Variants in CCSER1 observed in about 807,000 individuals in gnomAD.
CCSER1 encodes the protein coiled-coil serine rich protein 1.
CCSER1 carries 41 observed loss-of-function variants against 82.0 expected under a neutral mutation model. That is an observed-to-expected ratio of 0.50 (90% CI 0.39 to 0.65). The LOEUF (loss-of-function observed/expected upper bound fraction) is 0.65. Ranked by LOEUF, CCSER1 falls within the 30% of genes least tolerant of loss-of-function variation. The pLI, the probability that CCSER1 is intolerant of heterozygous loss-of-function variation, is 0.00. For synonymous variants in CCSER1, 414 were observed against 383.9 expected (o/e 1.08, Z -0.92); for missense variants, 1,119 against 1,064.2 (o/e 1.05, Z -0.72).
chr4:90,141,060 C>CTATCTATCTATCTATCT lies in CCSER1; in HGVS notation c.-42+13232_-42+13233insCTATCTATCTATCTTAT, dbSNP rs1724704141. On this transcript the variant is annotated intron_variant, in intron 1 of 10. Transcript: ENST00000509176. ...TCTATCTATCTATCTATCTATCTAT[C>CTATCTATCTATCTATCT]TATTGTCTGTCTACCTATTGAAAGA... Among the ~76,000 whole-genome samples the CTATCTATCTATCTATCT allele has an allele frequency of 4.0e-5, 6 of 151,828 alleles. No homozygotes were observed. The South Asian group carries it at 1.3e-3, about 32-fold the overall frequency.
In CCSER1 at chr4:90,932,972, A is replaced by AGAGAG. The variant is rs1347297251; in HGVS notation, c.2172+9525_2172+9526insGAGAG. Among the ~76,000 whole-genome samples, 5 of 40,104 alleles carry AGAGAG rather than the reference A, an allele frequency of 1.2e-4. 1 individual carries two copies. Among genetic ancestry groups the AGAGAG allele is most frequent in the East Asian group, 1.0e-3 (2 of 1,918 alleles). The allele number at this position is 40,104 out of a possible 152,430, so 26.3% of individuals were successfully genotyped here. Reference sequence around the variant, plus strand: ...AAAGAAAGAAAGAAAGAAAGAAAGAAAGAAAGAAAGAGAAAGAAAGAAAGA... The same window carrying AGAGAG: ...AAAGAAAGAAAGAAAGAAAGAAAGAAGAGAGAGAAAGAAAGAGAAAGAAAGAAAGA... On this transcript the variant is annotated intron_variant, in intron 9 of 10. Coordinates refer to ENST00000509176, the MANE Select transcript of CCSER1 (RefSeq NM_001145065.2).
intron 5 of CCSER1, among the ~76,000 whole-genome samples, chr4:90,566,912 C>A (rs1779465578): frequency 6.6e-6 from 1 of 151,450 alleles, no homozygotes; most frequent in African/African-American, 2.4e-5. Flanking sequence ...ACCTTTTATT[C>A]TTTGTATTTT....
At chr4:90,673,162 A>G (rs2149160890) in intron 6 of CCSER1, among the ~76,000 whole-genome samples, 1 of 152,090 alleles carries the variant, frequency 6.6e-6, no homozygotes, top group Middle Eastern at 3.4e-3. Flanking sequence ...AGCACAATAA[A>G]GTGATGCAAA....
intron 6 of CCSER1, among the ~76,000 whole-genome samples, chr4:90,705,832 A>G (rs1028211480): frequency 2.6e-5 from 4 of 152,150 alleles, no homozygotes; most frequent in Non-Finnish European, 5.9e-5. Flanking sequence ...AAATCACAGT[A>G]TTAGGGTGGG....
At chr4:91,510,833 A>G (rs1252366960) in intron 10 of CCSER1, among the ~76,000 whole-genome samples, 1 of 152,086 alleles carries the variant, frequency 6.6e-6, no homozygotes, top group Non-Finnish European at 1.5e-5. Flanking sequence ...CCCACAGGTC[A>G]ATTTTTGTTT....
At chr4:91,301,250 A>T (rs1191496953) in intron 10 of CCSER1, among the ~76,000 whole-genome samples, 2 of 151,846 alleles carry the variant, frequency 1.3e-5, no homozygotes, top group African/African-American at 4.8e-5. Context: ...TTATATAAAC[A>T]GTATGTGTAT....
intron 10 of CCSER1, among the ~76,000 whole-genome samples, chr4:91,481,506 C>T (rs112950871): frequency 3.9e-4 from 60 of 152,268 alleles, no homozygotes; most frequent in African/African-American, 1.3e-3. Flanking sequence ...AAGGCCCTAT[C>T]TCCAAATACT....
intron 9 of CCSER1, among the ~76,000 whole-genome samples, chr4:91,026,623 AAAT>A (rs1740512149): frequency 2.0e-5 from 3 of 152,118 alleles, no homozygotes; most frequent in African/African-American, 7.2e-5. Context: ...GGAGGTAAGA[AAAT>A]AAAATCTTTG....
chr4:90,609,702 T>G (rs1042862436), intron 5 of CCSER1, among the ~76,000 whole-genome samples: 2 of 152,134 alleles, frequency 1.3e-5, no homozygotes, highest in African/African-American at 2.4e-5. Flanking sequence ...CTAGCTATCA[T>G]AGAGATGTTT....
intron 7 of CCSER1, among the ~76,000 whole-genome samples, chr4:90,764,114 C>T (rs947904222): frequency 6.6e-6 from 1 of 152,110 alleles, no homozygotes; most frequent in African/African-American, 2.4e-5. Flanking sequence ...ATGTGTTTCT[C>T]CTACCACTTC....
chr4:91,103,689 A>T (rs1441896449), intron 10 of CCSER1, among the ~76,000 whole-genome samples: 3 of 152,136 alleles, frequency 2.0e-5, no homozygotes, highest in Non-Finnish European at 4.4e-5. Flanking sequence ...TAAGCTGAGG[A>T]TGTATGTCAC....
chr4:90,812,494 G>A (rs1278358056), intron 7 of CCSER1, among the ~76,000 whole-genome samples: 1 of 152,174 alleles, frequency 6.6e-6, no homozygotes, highest in African/African-American at 2.4e-5. Context: ...CAAAGATTGA[G>A]CTCTAGTGAA....
intron 9 of CCSER1, among the ~76,000 whole-genome samples, chr4:90,978,555 TGTTG>T (rs1735815700): frequency 6.6e-6 from 1 of 150,790 alleles, no homozygotes; most frequent in African/African-American, 2.5e-5. Context: ...TCAGGGAATG[TGTTG>T]AATGTCCTCA....
At chr4:90,713,510 C>T (rs569389135) in intron 6 of CCSER1, among the ~76,000 whole-genome samples, 40 of 152,032 alleles carry the variant, frequency 2.6e-4, no homozygotes, top group Non-Finnish European at 4.7e-4. Context: ...ACTGAGAGGT[C>T]CACTTTTAGT....
chr4:90,155,991 C>T (rs921478346), intron 1 of CCSER1, among the ~76,000 whole-genome samples: 4 of 152,110 alleles, frequency 2.6e-5, no homozygotes, highest in Admixed American at 2.6e-4. Context: ...ATCTTTCCTG[C>T]TTCCTCTTGT....
At chr4:91,268,581 A>G (rs539068646) in intron 10 of CCSER1, among the ~76,000 whole-genome samples, 12 of 152,258 alleles carry the variant, frequency 7.9e-5, no homozygotes, top group Admixed American at 3.9e-4. Context: ...ACCACCAAAC[A>G]GGCTTTGTGT....
chr4:90,809,170 A>ACACAG (rs59808283), intron 7 of CCSER1, among the ~76,000 whole-genome samples: 6 of 150,070 alleles, frequency 4.0e-5, no homozygotes, highest in East Asian at 2.0e-4. Context: ...CACACACACA[A>ACACAG]TTAGCTAGGC....
chr4:90,730,197 CAG>C (rs1468937908), intron 7 of CCSER1, among the ~76,000 whole-genome samples: 2 of 152,168 alleles, frequency 1.3e-5, no homozygotes, highest in East Asian at 3.9e-4. Flanking sequence ...CTCTGAAAGA[CAG>C]AAGCCAAATT....
intron 10 of CCSER1, among the ~76,000 whole-genome samples, chr4:91,117,013 A>C (rs2148884295): frequency 6.6e-6 from 1 of 152,314 alleles, no homozygotes; most frequent in East Asian, 1.9e-4. Flanking sequence ...GAGCCTCTCA[A>C]TGAATCATAC....
Sources: gnomAD v4.1 joint callset for allele counts (sites outside exome capture counted in the v4.1 genomes callset) on GRCh38, gnomAD v4.1.1 for gene constraint, MANE v1.5 for transcripts, NCBI Gene and HGNC (gene_info 2026-07-23, HGNC 2026-07-21) for gene names.